Variants in DEFB109B observed in about 807,000 individuals in gnomAD.
The protein encoded by DEFB109B is defensin beta 109B.
chr8:7,319,820 A>G lies in DEFB109B; in HGVS notation n.133A>G, dbSNP rs1405272609. On this transcript the variant is annotated non_coding_transcript_exon_variant, in exon 2 of 2. Transcript: ENST00000382656. ...TGTTTGCAGAACAGATGTCTGCAACATAGTAGAAGATCAAATTGGTGCCTG... is the reference window on the plus strand; with the variant it reads ...TGTTTGCAGAACAGATGTCTGCAACGTAGTAGAAGATCAAATTGGTGCCTG... The G allele has an allele frequency of 3.2e-5, 4 of 123,204 alleles. 1 individual carries two copies. The highest frequency in any genetic ancestry group is 8.4e-5 in the African/African-American group (2 of 23,838). 7.6% of individuals were successfully genotyped at this position (123,204 alleles called of 1,614,324 possible).
exon 1 of DEFB109B, chr8:7,312,893 C>T (rs1388268464): frequency 1.5e-5 from 2 of 132,956 alleles, no homozygotes; most frequent in South Asian, 2.2e-4. Flanking sequence ...TTTCAATTCT[C>T]TTATCCCCAG....
chr8:7,310,543 A>G (rs1374052052), upstream of DEFB109B, among the ~76,000 whole-genome samples: 1 of 138,842 alleles, frequency 7.2e-6, no homozygotes, highest in Non-Finnish European at 1.5e-5. Flanking sequence ...TGAGCTGTCT[A>G]TCCAAGATTG....
upstream of DEFB109B, among the ~76,000 whole-genome samples, chr8:7,309,687 C>T (rs1487292712): frequency 6.8e-6 from 1 of 146,340 alleles, no homozygotes; most frequent in African/African-American, 2.8e-5. Context: ...GGACTTATTG[C>T]TTTTACCCAA....
chr8:7,312,421 G>A (rs1802662746), upstream of DEFB109B, among the ~76,000 whole-genome samples: 1 of 139,078 alleles, frequency 7.2e-6, no homozygotes, highest in Non-Finnish European at 1.5e-5. Context: ...ATATTGGTGT[G>A]GTAACAAGAT....
In DEFB109B at chr8:7,313,661, T is replaced by C. The variant is rs548857019; in HGVS notation, n.58+758T>C. On this transcript the variant is annotated intron_variant and non_coding_transcript_variant, in intron 1 of 1. Coordinates refer to ENST00000382656, the Ensembl canonical transcript of DEFB109B. The stretch of plus-strand genomic sequence containing the variant: ...TTTCAATACAAAAATGGCTAAAATT[T>C]ACTGGGCTAAGCATGCATTTTGGGG... 1.1e-3 allele frequency among the ~76,000 whole-genome samples: 164 copies of C among 143,530 alleles called. 28 individuals are homozygous for C. The highest frequency in any genetic ancestry group is 4.8e-3 in the African/African-American group (162 of 33,750). The allele number at this position is 143,530 out of a possible 152,430, so 94.2% of individuals were successfully genotyped here.
chr8:7,317,454 G>GAT (rs1339935100), intron 1 of DEFB109B, among the ~76,000 whole-genome samples: 1 of 146,660 alleles, frequency 6.8e-6, no homozygotes, highest in African/African-American at 2.8e-5. Flanking sequence ...TGAAAGAGGA[G>GAT]ATATTTTAAG....
At chr8:7,315,696 T>A (rs1433964830) in intron 1 of DEFB109B, among the ~76,000 whole-genome samples, 1 of 136,334 alleles carries the variant, frequency 7.3e-6, no homozygotes, top group South Asian at 2.2e-4. Context: ...CAAGGGCAGC[T>A]TCCTCCTGCT....
chr8:7,310,613 G>A (rs1279930236), upstream of DEFB109B, among the ~76,000 whole-genome samples: 2 of 144,104 alleles, frequency 1.4e-5, no homozygotes, highest in Non-Finnish European at 2.9e-5. Flanking sequence ...GTGCATGTGC[G>A]TGCCTTTGCA....
At chr8:7,312,320 G>A (rs186962193), upstream of DEFB109B, among the ~76,000 whole-genome samples, 1,573 of 139,012 alleles carry the variant, frequency 0.011, 377 homozygotes, top group African/African-American at 0.051. Flanking sequence ...AATTTGTTAA[G>A]AGGGTCGATC....
upstream of DEFB109B, among the ~76,000 whole-genome samples, chr8:7,312,447 A>G (rs1802664614): frequency 2.1e-5 from 3 of 142,126 alleles, no homozygotes; most frequent in Admixed American, 6.7e-5. Context: ...TTATGTGCAA[A>G]CTTGCCAAAC....
At chr8:7,315,243 C>T (rs1240884070) in intron 1 of DEFB109B, among the ~76,000 whole-genome samples, 9 of 118,178 alleles carry the variant, frequency 7.6e-5, no homozygotes, top group Non-Finnish European at 1.3e-4. Context: ...TGGGGCCACA[C>T]GCGGTGGCTC....
At chr8:7,311,906 A>C (rs1304211695), upstream of DEFB109B, among the ~76,000 whole-genome samples, 2 of 106,116 alleles carry the variant, frequency 1.9e-5, no homozygotes, top group African/African-American at 7.3e-5. Context: ...TCTTACAAAT[A>C]AGCAATGGTA....
chr8:7,310,712 CTG>C (rs1164275829), upstream of DEFB109B, among the ~76,000 whole-genome samples: 1 of 147,736 alleles, frequency 6.8e-6, no homozygotes, highest in Admixed American at 6.6e-5. Context: ...TTAAGCTACT[CTG>C]TCACATTGTG....
At chr8:7,319,958 A>G (rs1164296492), downstream of DEFB109B, 7 of 66,446 alleles carry the variant, frequency 1.1e-4, no homozygotes, top group African/African-American at 2.0e-4. Context: ...ATGAAACTGA[A>G]ACAAAATAAA....
At chr8:7,318,680 T>A (rs1194062571) in intron 1 of DEFB109B, 1 of 136,544 alleles carries the variant, frequency 7.3e-6, no homozygotes, top group East Asian at 2.0e-4. Flanking sequence ...TATTAACTAT[T>A]TTCTTCCTAA....
chr8:7,315,918 T>A (rs1393885523), intron 1 of DEFB109B, among the ~76,000 whole-genome samples: 2 of 96,224 alleles, frequency 2.1e-5, no homozygotes, highest in East Asian at 5.8e-4. Flanking sequence ...TAAACAAAAG[T>A]AAAAGTTCAC....
At chr8:7,313,591 C>G (rs892310472) in intron 1 of DEFB109B, among the ~76,000 whole-genome samples, 2 of 144,470 alleles carry the variant, frequency 1.4e-5, no homozygotes, top group African/African-American at 5.8e-5. Context: ...ACAAGTGCTG[C>G]TCAAGGTATA....
intron 1 of DEFB109B, among the ~76,000 whole-genome samples, chr8:7,316,750 C>A (rs1225774601): frequency 7.0e-6 from 1 of 142,440 alleles, no homozygotes; most frequent in African/African-American, 3.1e-5. Flanking sequence ...CCTCAGCCTC[C>A]TGAGTAGCTG....
upstream of DEFB109B, among the ~76,000 whole-genome samples, chr8:7,312,524 C>G (rs1035555060): frequency 6.8e-6 from 1 of 146,098 alleles, no homozygotes; most frequent in Admixed American, 6.6e-5. Flanking sequence ...TATTGCCTGG[C>G]AAACAATAGA....
Sources: allele counts gnomAD v4.1 joint callset (sites outside exome capture counted in the v4.1 genomes callset), GRCh38; gene constraint gnomAD v4.1.1; transcripts MANE v1.5; gene names NCBI Gene and HGNC (gene_info 2026-07-23, HGNC 2026-07-21).